RPS6KC1: variants seen among roughly 807,000 people sequenced by gnomAD.
The protein encoded by RPS6KC1 is inactive ribosomal protein S6 kinase delta-1.
Under a neutral mutation model 103.8 loss-of-function variants are expected in RPS6KC1, and 54 were observed. That is an observed-to-expected ratio of 0.52 (90% CI 0.42 to 0.65). The LOEUF (loss-of-function observed/expected upper bound fraction) is 0.65, where lower values mean the gene tolerates loss of function less well. Among genes scored for constraint, RPS6KC1 ranks in the 30% least tolerant of loss-of-function variants. The pLI, the probability that RPS6KC1 is intolerant of heterozygous loss-of-function variation, is 0.00. For missense variants in RPS6KC1, 1,151 were observed against 1,253.8 expected, an observed-to-expected ratio of 0.92 and a Z score of 1.24; for synonymous variants, 439 against 438.7, an observed-to-expected ratio of 1.00 and a Z score of -0.01.
chr1:213,169,200 T>C (rs1245838995), intron 7 of RPS6KC1, among the ~76,000 whole-genome samples: 1 of 152,218 alleles, frequency 6.6e-6, no homozygotes, highest in African/African-American at 2.4e-5. Context: ...TTATATACTT[T>C]TTCCTACACA....
At chr1:213,507,791 A>AT in the RPS6KC1 span, among the ~76,000 whole-genome samples, 4 of 152,224 alleles carry the variant, frequency 2.6e-5, no homozygotes, top group Non-Finnish European at 5.9e-5. Flanking sequence ...CCAGTGTCTG[A>AT]AACAATGCCT....
At chr1:213,781,570 G>C in the RPS6KC1 span, among the ~76,000 whole-genome samples, 1 of 152,174 alleles carries the variant, frequency 6.6e-6, no homozygotes, top group African/African-American at 2.4e-5. Flanking sequence ...GAAGTAATAT[G>C]ATCCGTTAAG....
chr1:213,396,188 G>T, the RPS6KC1 span, among the ~76,000 whole-genome samples: 1 of 152,158 alleles, frequency 6.6e-6, no homozygotes, highest in African/African-American at 2.4e-5. Context: ...TATCTAGGAA[G>T]TTTATCACCT....
At chr1:213,341,213 C>T in the RPS6KC1 span, among the ~76,000 whole-genome samples, 4 of 152,204 alleles carry the variant, frequency 2.6e-5, no homozygotes, top group African/African-American at 4.8e-5. Flanking sequence ...CAGACACCCA[C>T]CAAGCTGCCT....
chr1:213,066,985 T>C (rs1372324553), intron 1 of RPS6KC1, among the ~76,000 whole-genome samples: 1 of 152,190 alleles, frequency 6.6e-6, no homozygotes, highest in Non-Finnish European at 1.5e-5. Context: ...CATTAATACA[T>C]ACCAGATTGC....
chr1:213,618,619 T>C, the RPS6KC1 span, among the ~76,000 whole-genome samples: 1 of 152,230 alleles, frequency 6.6e-6, no homozygotes, highest in Non-Finnish European at 1.5e-5. Context: ...ATGAGTCATG[T>C]GGCCTTTCCG....
At chr1:213,363,623 TTG>T in the RPS6KC1 span, among the ~76,000 whole-genome samples, 322 of 82,888 alleles carry the variant, frequency 3.9e-3, 4 homozygotes, top group Admixed American at 0.01. Flanking sequence ...GCTTGCTTGC[TTG>T]CTTTCTTTCT....
the RPS6KC1 span, among the ~76,000 whole-genome samples, chr1:213,613,928 G>A: frequency 1.3e-5 from 2 of 152,226 alleles, no homozygotes; most frequent in Non-Finnish European, 2.9e-5. Flanking sequence ...ATTTTTCACA[G>A]CTGCAAGGAA....
chr1:213,344,032 A>T, the RPS6KC1 span, among the ~76,000 whole-genome samples: 1 of 152,180 alleles, frequency 6.6e-6, no homozygotes, highest in African/African-American at 2.4e-5. Context: ...AGATGGAAGG[A>T]TCCAGAAATT....
At chr1:213,232,659 C>T (rs1040343726) in intron 10 of RPS6KC1, among the ~76,000 whole-genome samples, 1 of 152,138 alleles carries the variant, frequency 6.6e-6, no homozygotes, top group Non-Finnish European at 1.5e-5. Context: ...TTACCTCCTT[C>T]TTTTAGAAGG....
intron 6 of RPS6KC1, among the ~76,000 whole-genome samples, chr1:213,130,232 CAG>C (rs897602175): frequency 6.6e-6 from 1 of 152,122 alleles, no homozygotes; most frequent in African/African-American, 2.4e-5. Flanking sequence ...GAGTAATTCA[CAG>C]AGATTCTTGA....
At chr1:213,442,592 T>C in the RPS6KC1 span, among the ~76,000 whole-genome samples, 12 of 152,200 alleles carry the variant, frequency 7.9e-5, no homozygotes, top group Non-Finnish European at 1.8e-4. Context: ...CTGAATTGTA[T>C]TGTGGAGAGG....
chr1:213,410,013 G>A, the RPS6KC1 span, among the ~76,000 whole-genome samples: 2 of 152,146 alleles, frequency 1.3e-5, no homozygotes, highest in African/African-American at 4.8e-5. Flanking sequence ...AGATTAAAAA[G>A]TACTAGCCAA....
intron 8 of RPS6KC1, among the ~76,000 whole-genome samples, chr1:213,220,173 A>C (rs1046484229): frequency 6.6e-6 from 1 of 152,128 alleles, no homozygotes; most frequent in Non-Finnish European, 1.5e-5. Context: ...ATGTAGGGTA[A>C]GATAAATGTC....
chr1:213,130,551 A>G (rs944654243), intron 6 of RPS6KC1, among the ~76,000 whole-genome samples: 4 of 152,160 alleles, frequency 2.6e-5, no homozygotes, highest in African/African-American at 9.7e-5. Flanking sequence ...CAGTGGTTTC[A>G]TTTACAGAAG....
At chr1:213,066,157 G>T (rs539196970) in intron 1 of RPS6KC1, among the ~76,000 whole-genome samples, 1 of 152,292 alleles carries the variant, frequency 6.6e-6, no homozygotes, top group Non-Finnish European at 1.5e-5. Context: ...TATTAGCACA[G>T]ATATAGACTG....
chr1:213,055,417 A>G (rs2077256318), intron 1 of RPS6KC1, among the ~76,000 whole-genome samples: 1 of 152,016 alleles, frequency 6.6e-6, no homozygotes, highest in Admixed American at 6.6e-5. Context: ...TTGCTGACTC[A>G]TATTCCATTG....
chr1:213,200,077 A>T (rs1167946782), intron 8 of RPS6KC1, among the ~76,000 whole-genome samples: 1 of 152,176 alleles, frequency 6.6e-6, no homozygotes, highest in African/African-American at 2.4e-5. Context: ...CAGTTTATAG[A>T]TAATGCTATT....
intron 1 of RPS6KC1, among the ~76,000 whole-genome samples, chr1:213,056,231 C>A (rs779442951): frequency 6.6e-6 from 1 of 152,072 alleles, no homozygotes; most frequent in Non-Finnish European, 1.5e-5. Context: ...CACAGGGGCC[C>A]GGTGAGTAGG....
Sources: allele counts gnomAD v4.1 joint callset (sites outside exome capture counted in the v4.1 genomes callset), GRCh38; gene constraint gnomAD v4.1.1; transcripts MANE v1.5; gene names NCBI Gene and HGNC (gene_info 2026-07-23, HGNC 2026-07-21).